Variants in CDH20 observed in about 807,000 individuals in gnomAD.
CDH20 encodes the protein cadherin-20.
Under a neutral mutation model 74.2 loss-of-function variants are expected in CDH20, and 29 were observed. The ratio of observed to expected loss-of-function variants is 0.39; its 90% CI spans 0.29 to 0.53. The LOEUF (loss-of-function observed/expected upper bound fraction) is 0.53, where lower values mean the gene tolerates loss of function less well. CDH20 is among the 20% of genes least tolerant of loss of function. The pLI is 0.69. For synonymous variants in CDH20, 469 were observed against 405.4 expected (o/e 1.16, Z -1.88); for missense variants, 988 against 1,048.3 (o/e 0.94, Z 0.79).
chr18:61,488,739 T>C (rs1275301457), intron 1 of CDH20, among the ~76,000 whole-genome samples: 2 of 152,130 alleles, frequency 1.3e-5, no homozygotes, highest in Admixed American at 6.6e-5. Flanking sequence ...TTGTTTGTTT[T>C]GGCAATGCCC....
intron 1 of CDH20, among the ~76,000 whole-genome samples, chr18:61,428,890 C>T (rs1409468294): frequency 6.6e-6 from 1 of 152,258 alleles, no homozygotes; most frequent in Non-Finnish European, 1.5e-5. Context: ...CAGGTTTACG[C>T]TAGAACACCT....
chr18:61,420,600 G>A (rs1912841247), intron 1 of CDH20, among the ~76,000 whole-genome samples: 2 of 152,102 alleles, frequency 1.3e-5, no homozygotes, highest in African/African-American at 4.8e-5. Context: ...AAATTTTTGA[G>A]TGGTTTCCAG....
intron 1 of CDH20, among the ~76,000 whole-genome samples, chr18:61,472,039 C>T (rs144716950): frequency 2.1e-3 from 314 of 152,278 alleles, no homozygotes; most frequent in Admixed American, 4.4e-3. Flanking sequence ...CAAGGCTGCA[C>T]ATAGTCCTGT....
At chr18:61,477,483 T>C (rs968994453) in intron 1 of CDH20, among the ~76,000 whole-genome samples, 1 of 152,194 alleles carries the variant, frequency 6.6e-6, no homozygotes, top group Non-Finnish European at 1.5e-5. Flanking sequence ...TTAAAAGGTG[T>C]GTGGCAACAA....
chr18:61,458,714 GA>G (rs1909665875), intron 1 of CDH20, among the ~76,000 whole-genome samples: 1 of 152,230 alleles, frequency 6.6e-6, no homozygotes, highest in African/African-American at 2.4e-5. Context: ...TCTGAAAGCA[GA>G]AATCAGCCCT....
intron 1 of CDH20, among the ~76,000 whole-genome samples, chr18:61,429,947 T>C (rs1191662441): frequency 6.6e-6 from 1 of 152,180 alleles, no homozygotes. Flanking sequence ...CTCCTATATA[T>C]TGTGTCACAT....
At chr18:61,466,384 C>T (rs368938720) in intron 1 of CDH20, among the ~76,000 whole-genome samples, 26 of 152,124 alleles carry the variant, frequency 1.7e-4, no homozygotes, top group Admixed American at 9.2e-4. Context: ...AATGCTATAT[C>T]ATACTGCATT....
At chr18:61,371,716 T>C (rs1479016174) in intron 1 of CDH20, among the ~76,000 whole-genome samples, 1 of 152,014 alleles carries the variant, frequency 6.6e-6, no homozygotes, top group African/African-American at 2.4e-5. Flanking sequence ...TAGAGAACAA[T>C]GATTTTTCAT....
intron 1 of CDH20, among the ~76,000 whole-genome samples, chr18:61,377,436 T>C (rs1337793533): frequency 6.6e-6 from 1 of 151,888 alleles, no homozygotes; most frequent in Non-Finnish European, 1.5e-5. Context: ...ACTTGTATCT[T>C]GTTCAGGTTT....
chr18:61,336,538 T>C (rs546211894), intron 1 of CDH20, among the ~76,000 whole-genome samples: 1 of 152,348 alleles, frequency 6.6e-6, no homozygotes, highest in African/African-American at 2.4e-5. Flanking sequence ...AAAGTGGACA[T>C]GTTTTTCCCC....
At position 61,403,245 on chromosome 18, in the gene CDH20, G is replaced by T. The variant is rs566218257; in HGVS notation, c.-153+69418G>T. Among the ~76,000 whole-genome samples, 3 of 152,316 alleles carry T rather than the reference G, an allele frequency of 2.0e-5. No homozygotes were observed. In the East Asian group the frequency reaches 5.8e-4, roughly 29 times the overall value. On this transcript the variant is annotated intron_variant, in intron 1 of 11. Coordinates refer to ENST00000262717, the MANE Select transcript of CDH20 (RefSeq NM_031891.4). ...AAGGTGATCCATGCATTTCTGGGAT[G>T]TTGAGGAGAACGTGTTTGGTCTTAA...
chr18:61,526,828 G>A (rs1427710649), intron 6 of CDH20, among the ~76,000 whole-genome samples: 2 of 152,186 alleles, frequency 1.3e-5, no homozygotes, highest in African/African-American at 4.8e-5. Context: ...CATACTCCAG[G>A]CTTCTGAGCT....
chr18:61,416,621 G>A (rs966476002), intron 1 of CDH20, among the ~76,000 whole-genome samples: 3 of 152,218 alleles, frequency 2.0e-5, no homozygotes, highest in Non-Finnish European at 4.4e-5. Flanking sequence ...AAGAAAGTGT[G>A]CGTGCCCTAG....
At chr18:61,546,704 C>T (rs1913263491) in intron 10 of CDH20, among the ~76,000 whole-genome samples, 1 of 152,202 alleles carries the variant, frequency 6.6e-6, no homozygotes, top group Non-Finnish European at 1.5e-5. Context: ...TTAAAGAGGA[C>T]TTTGGGCACC....
At chr18:61,444,035 T>A (rs1361084242) in intron 1 of CDH20, among the ~76,000 whole-genome samples, 1 of 152,118 alleles carries the variant, frequency 6.6e-6, no homozygotes, top group Non-Finnish European at 1.5e-5. Flanking sequence ...ATATACCCAA[T>A]ACCTGGACTC....
rs142156678 is a variant in CDH20, at chr18:61,543,156, G to A, written c.1531-1871G>A. ...CACAGTGTCCAAAAGGCCCCGATGGGAGCTCCCCCTACCACCACCCCCAGT... is the reference window on the plus strand; with the variant it reads ...CACAGTGTCCAAAAGGCCCCGATGGAAGCTCCCCCTACCACCACCCCCAGT... On this transcript the variant is annotated intron_variant, in intron 9 of 11. Transcript: ENST00000262717. Among the ~76,000 whole-genome samples, 891 of 152,230 alleles carry A rather than the reference G, an allele frequency of 5.9e-3. 9 individuals carry two copies. Among genetic ancestry groups the A allele is most frequent in the African/African-American group, 0.02 (845 of 41,530 alleles).
At chr18:61,432,241 T>C (rs1362876854) in intron 1 of CDH20, among the ~76,000 whole-genome samples, 1 of 114,568 alleles carries the variant, frequency 8.7e-6, no homozygotes, top group Non-Finnish European at 1.7e-5. Flanking sequence ...CAAAACTCTA[T>C]CTCAAAAAAA....
chr18:61,450,984 G>A (rs956895802), intron 1 of CDH20, among the ~76,000 whole-genome samples: 3 of 151,946 alleles, frequency 2.0e-5, no homozygotes, highest in African/African-American at 7.2e-5. Context: ...CTTAGAACTT[G>A]CTGGCCCATA....
At chr18:61,498,755 CTGTT>C (rs1474445394) in intron 2 of CDH20, among the ~76,000 whole-genome samples, 3 of 152,204 alleles carry the variant, frequency 2.0e-5, no homozygotes, top group Non-Finnish European at 2.9e-5. Context: ...TGTCATAAAA[CTGTT>C]TGATACTCCA....
Sources: gnomAD v4.1 joint callset for allele counts (sites outside exome capture counted in the v4.1 genomes callset) on GRCh38, gnomAD v4.1.1 for gene constraint, MANE v1.5 for transcripts, NCBI Gene and HGNC (gene_info 2026-07-23, HGNC 2026-07-21) for gene names.